Variants in PCDH15 observed in about 807,000 individuals in gnomAD.
The protein encoded by PCDH15 is protocadherin-15.
PCDH15 carries 129 observed loss-of-function variants against 178.5 expected under a neutral mutation model. That is an observed-to-expected ratio of 0.72 (90% CI 0.63 to 0.84). PCDH15 has a LOEUF of 0.84. Among genes scored for constraint, PCDH15 ranks in the 40% least tolerant of loss-of-function variants. PCDH15 has a pLI of 0.00. For synonymous variants in PCDH15, 800 were observed against 732.0 expected (o/e 1.09, Z -1.50); for missense variants, 2,230 against 2,099.9 (o/e 1.06, Z -1.21).
chr10:55,371,569 A>G (rs982865658), intron 2 of PCDH15, among the ~76,000 whole-genome samples: 2 of 151,984 alleles, frequency 1.3e-5, no homozygotes, highest in South Asian at 4.1e-4. Context: ...TGCTCAAAAG[A>G]TCTGGTTGTT....
At chr10:53,914,288 C>CA (rs1261086953) in intron 25 of PCDH15, among the ~76,000 whole-genome samples, 1 of 152,262 alleles carries the variant, frequency 6.6e-6, no homozygotes, top group Non-Finnish European at 1.5e-5. Flanking sequence ...GATGATAAAG[C>CA]ATGCTACTAT....
At position 55,442,584 on chromosome 10, in the gene PCDH15, A is replaced by G. The variant is rs1161553761; in HGVS notation, c.-156+185041T>C. Among the ~76,000 whole-genome samples the G allele has an allele frequency of 2.7e-5, 4 of 149,832 alleles. No individual in the cohort carries two copies. The East Asian group carries it at 7.9e-4, about 29-fold the overall frequency. On this transcript the variant is annotated intron_variant, in intron 2 of 5. Coordinates refer to the PCDH15 transcript ENST00000613346. ...TTAATTATTATCATCTTTATTATCT[A>G]TGGGTGGGGATAGCCTTTGTAGCTA...
chr10:53,873,424 A>T (rs1222322265), intron 26 of PCDH15, among the ~76,000 whole-genome samples: 1 of 152,212 alleles, frequency 6.6e-6, no homozygotes, highest in Non-Finnish European at 1.5e-5. Flanking sequence ...TACATATATT[A>T]TTACATTATC....
intron 2 of PCDH15, among the ~76,000 whole-genome samples, chr10:55,488,363 T>C (rs1840343510): frequency 6.6e-6 from 1 of 151,606 alleles, no homozygotes; most frequent in African/African-American, 2.4e-5. Context: ...TAAGGAATTA[T>C]CTAAACAGAA....
intron 3 of PCDH15, among the ~76,000 whole-genome samples, chr10:54,520,555 C>T (rs2082739435): frequency 6.6e-6 from 1 of 152,048 alleles, no homozygotes. Flanking sequence ...ATTAAAAAGT[C>T]AGGAAACAAC....
chr10:54,305,396 A>G (rs1836404876), intron 8 of PCDH15, among the ~76,000 whole-genome samples: 2 of 152,054 alleles, frequency 1.3e-5, no homozygotes, highest in Admixed American at 1.3e-4. Flanking sequence ...AAAATATAAA[A>G]CAGACAAATA....
chr10:54,487,305 C>T (rs942410518), intron 3 of PCDH15, among the ~76,000 whole-genome samples: 11 of 151,760 alleles, frequency 7.2e-5, no homozygotes, highest in South Asian at 2.1e-4. Flanking sequence ...TACACATGGA[C>T]GTAAAGTGTG....
rs558350385 is a variant in PCDH15, at chr10:54,666,902, T to C, written c.-28-2612A>G. Among the ~76,000 whole-genome samples, 12 of 152,156 alleles carry C rather than the reference T, an allele frequency of 7.9e-5. No homozygotes were observed. The South Asian group carries it at 2.3e-3, about 29-fold the overall frequency. The stretch of plus-strand genomic sequence containing the variant: ...CCTAACTGAAGCTAATTTGGTTTCA[T>C]GGAACAGTCTCCAATATAAAAACAA... On this transcript the variant is annotated intron_variant, in intron 1 of 37. Transcript: ENST00000644397.
At position 55,013,417 on chromosome 10, in the gene PCDH15, A is replaced by G. The variant is rs968918406; in HGVS notation, c.-79-115917T>C. ...AGAATTGGCACCTGGTTACCACACC[A>G]GGCAATTTGAACCTCTTTTTCTCTC... On this transcript the variant is annotated intron_variant, in intron 2 of 5. Coordinates refer to the PCDH15 transcript ENST00000458638. Among the ~76,000 whole-genome samples, 6 of 132,918 alleles carry G rather than the reference A, an allele frequency of 4.5e-5. No individual in the cohort carries two copies. The Admixed American group carries it at 4.6e-4, about 10-fold the overall frequency. 87.2% of individuals were successfully genotyped at this position (132,918 alleles called of 152,430 possible). A position where few individuals can be genotyped will look rare whatever the true frequency, so the allele number is the denominator to read the frequency against.
chr10:53,969,083 C>T (rs1478048598), intron 21 of PCDH15, among the ~76,000 whole-genome samples: 1 of 152,062 alleles, frequency 6.6e-6, no homozygotes, highest in Non-Finnish European at 1.5e-5. Context: ...ATGTTTGAAC[C>T]CACCACAAAG....
At chr10:54,877,934 CTCTCTTTTTTTTTTTTTTTTTTT>C (rs1397716162) in intron 3 of PCDH15, among the ~76,000 whole-genome samples, 10,566 of 28,370 alleles carry the variant, frequency 0.37, 803 homozygotes, top group East Asian at 0.52. Context: ...TTCTCTCTCT[CTCTCTTTTTTTTTTTTTTTTTTT>C]TTTTTTTTTT....
chr10:53,989,881 C>CA (rs1204235790), intron 21 of PCDH15, among the ~76,000 whole-genome samples: 6 of 151,996 alleles, frequency 3.9e-5, no homozygotes, highest in East Asian at 1.9e-4. Flanking sequence ...AAAATGATAC[C>CA]AAAAAACTAT....
intron 8 of PCDH15, among the ~76,000 whole-genome samples, chr10:54,248,878 G>A (rs888396612): frequency 1.3e-5 from 2 of 151,930 alleles, no homozygotes; most frequent in Admixed American, 1.3e-4. Context: ...ACAAAATATA[G>A]TAGAAAATCA....
intron 28 of PCDH15, among the ~76,000 whole-genome samples, chr10:53,855,344 T>C (rs918242809): frequency 6.6e-6 from 1 of 152,042 alleles, no homozygotes; most frequent in Non-Finnish European, 1.5e-5. Context: ...AGCTAAAAGT[T>C]AGGCACAATT....
chr10:54,394,788 C>T (rs1950991982), intron 3 of PCDH15, among the ~76,000 whole-genome samples: 1 of 152,118 alleles, frequency 6.6e-6, no homozygotes, highest in Non-Finnish European at 1.5e-5. Context: ...CCCTAAGAGG[C>T]AGGCGCACCT....
chr10:54,900,436 A>C (rs1954620311), intron 2 of PCDH15, among the ~76,000 whole-genome samples: 1 of 152,114 alleles, frequency 6.6e-6, no homozygotes, highest in Non-Finnish European at 1.5e-5. Flanking sequence ...ATTTTATCTA[A>C]AGTTTAGGAT....
intron 26 of PCDH15, among the ~76,000 whole-genome samples, chr10:53,871,692 T>C (rs2079869765): frequency 6.6e-6 from 1 of 152,182 alleles, no homozygotes; most frequent in African/African-American, 2.4e-5. Context: ...CTTAATTTTC[T>C]TTTCCAGCTC....
intron 2 of PCDH15, among the ~76,000 whole-genome samples, chr10:55,505,020 G>A (rs1250539137): frequency 6.6e-6 from 1 of 151,346 alleles, no homozygotes; most frequent in Non-Finnish European, 1.5e-5. Context: ...GCTAATTTCA[G>A]GGCTTTACAA....
chr10:54,945,085 T>C (rs1384555055), intron 2 of PCDH15, among the ~76,000 whole-genome samples: 1 of 151,888 alleles, frequency 6.6e-6, no homozygotes, highest in Non-Finnish European at 1.5e-5. Flanking sequence ...ATATTTTGCA[T>C]CAGTGGAATT....
Sources: gnomAD v4.1 joint callset for allele counts (sites outside exome capture counted in the v4.1 genomes callset) on GRCh38, gnomAD v4.1.1 for gene constraint, MANE v1.5 for transcripts, NCBI Gene and HGNC (gene_info 2026-07-23, HGNC 2026-07-21) for gene names.